ADAM22: variants seen among roughly 807,000 people sequenced by gnomAD.
The protein encoded by ADAM22 is disintegrin and metalloproteinase domain-containing protein 22.
A neutral mutation model predicts 144.6 loss-of-function variants in ADAM22; 65 were observed. The observed-to-expected ratio is 0.45, with a 90% CI of 0.37 to 0.55. The LOEUF (loss-of-function observed/expected upper bound fraction) is 0.55, where lower values mean the gene tolerates loss of function less well. Among genes scored for constraint, ADAM22 ranks in the 20% least tolerant of loss-of-function variants. The probability of loss-of-function intolerance (pLI) is 0.00; values close to 1 mark genes in which losing one functional copy is unlikely to be tolerated. For missense variants in ADAM22, 974 were observed against 1,184.9 expected (o/e 0.82, Z 2.61); for synonymous variants, 391 against 412.6 (o/e 0.95, Z 0.63).
chr7:87,934,870 G>C, intron 1 of ADAM22, 156 bp from the exon 2 acceptor site: 1 of 1,055,840 alleles, frequency 9.5e-7, no homozygotes, highest in South Asian at 1.4e-5. Context: ...TCTCGGGCTG[G>C]TGTCTCTGCG....
intron 3 of ADAM22, among the ~76,000 whole-genome samples, chr7:88,058,220 T>C (rs1305816190): frequency 1.3e-5 from 2 of 152,142 alleles, no homozygotes; most frequent in Non-Finnish European, 2.9e-5. Flanking sequence ...GTTCTAGAAA[T>C]AGAGGTGATG....
intron 2 of ADAM22, among the ~76,000 whole-genome samples, chr7:87,954,872 C>G (rs529101530): frequency 6.6e-6 from 1 of 151,496 alleles, no homozygotes; most frequent in Non-Finnish European, 1.5e-5. Context: ...AAACTTGTTT[C>G]ATTTCATTCA....
At chr7:88,131,926 C>T (rs1831906213) in intron 11 of ADAM22, 1 of 152,752 alleles carries the variant, frequency 6.5e-6, no homozygotes, top group Non-Finnish European at 1.5e-5. Flanking sequence ...CATCTAAAGT[C>T]AGAGCTGTTG....
chr7:88,132,686 C>T (rs982407421), intron 11 of ADAM22, 181 bp from the exon 12 acceptor site: 1 of 454,830 alleles, frequency 2.2e-6, no homozygotes, highest in Non-Finnish European at 4.0e-6. Context: ...AGAAAACATC[C>T]CTCATAAACC....
rs1005781091 is a variant in ADAM22 at position 88,202,763 on chromosome 7, G to T, written c.*6272G>T. 3 of 152,126 alleles carry T rather than the reference G, an allele frequency of 2.0e-5. No homozygotes were observed. Among genetic ancestry groups the T allele is most frequent in the Admixed American group, 6.5e-5 (1 of 15,276 alleles). 9.4% of individuals were successfully genotyped at this position (152,126 alleles called of 1,614,324 possible). ...TTTTTAAAGGTCACTGTAACTTAAG[G>T]TTCAAATTTCTGGCACAGTTTTATT... On this transcript the variant is annotated 3_prime_UTR_variant, in exon 32 of 32. Coordinates refer to ENST00000413139, the MANE Select transcript of ADAM22 (RefSeq NM_001324418.2).
At chr7:88,124,145 T>G (rs955493094) in intron 7 of ADAM22, among the ~76,000 whole-genome samples, 8 of 152,004 alleles carry the variant, frequency 5.3e-5, no homozygotes, top group Admixed American at 2.0e-4. Context: ...TTGATAGTGT[T>G]AAGTCTTCTA....
At chr7:87,994,573 G>A (rs1211016862) in intron 3 of ADAM22, among the ~76,000 whole-genome samples, 5 of 151,948 alleles carry the variant, frequency 3.3e-5, no homozygotes, top group African/African-American at 7.3e-5. Flanking sequence ...TAATTTTGAT[G>A]TGGGTCTAAT....
At chr7:87,954,408 C>G (rs1397574745) in intron 2 of ADAM22, among the ~76,000 whole-genome samples, 3 of 152,070 alleles carry the variant, frequency 2.0e-5, no homozygotes, top group East Asian at 1.9e-4. Context: ...ATGAAGCTTA[C>G]TTTGGCTGGA....
chr7:88,027,656 G>A (rs904829660), intron 3 of ADAM22, among the ~76,000 whole-genome samples: 2 of 151,782 alleles, frequency 1.3e-5, no homozygotes, highest in African/African-American at 4.8e-5. Context: ...AACACCTTTT[G>A]TTCTGATGAC....
At chr7:88,097,705 AAT>A (rs1271546456) in intron 4 of ADAM22, among the ~76,000 whole-genome samples, 1 of 151,944 alleles carries the variant, frequency 6.6e-6, no homozygotes, top group Admixed American at 6.6e-5. Context: ...GGAATGCACA[AAT>A]ATGTTTTCTC....
chr7:88,142,632 A>G (rs1020390332), intron 14 of ADAM22, among the ~76,000 whole-genome samples: 1 of 152,094 alleles, frequency 6.6e-6, no homozygotes, highest in Non-Finnish European at 1.5e-5. Context: ...AAGTCAGGAG[A>G]TCGAGACCAT....
chr7:88,077,854 A>G lies in ADAM22; in HGVS notation c.390+2162A>G, dbSNP rs181528989. On this transcript the variant is annotated intron_variant, in intron 4 of 31. Transcript: ENST00000413139. ...TAAACAAAGCAGCCCAGAAGCTCGA[A>G]CTGGGTGGAGCCCACCACAGCTCAA... is the stretch of plus-strand genomic sequence containing the variant. 2.9e-3 allele frequency among the ~76,000 whole-genome samples: 438 copies of G among 152,324 alleles called. 2 individuals are homozygous for G. Among genetic ancestry groups the G allele is most frequent in the African/African-American group, 1.0e-2 (415 of 41,580 alleles).
At chr7:88,037,557 A>G (rs1801809367) in intron 3 of ADAM22, among the ~76,000 whole-genome samples, 1 of 151,952 alleles carries the variant, frequency 6.6e-6, no homozygotes. Context: ...TTGGCCTGCT[A>G]CCTAATTTCC....
At chr7:88,166,683 C>T (rs1260132416) in intron 24 of ADAM22, among the ~76,000 whole-genome samples, 1 of 152,016 alleles carries the variant, frequency 6.6e-6, no homozygotes, top group Non-Finnish European at 1.5e-5. Context: ...AAAGGGTAAA[C>T]AGTTTTAGCT....
At chr7:87,966,721 G>GTTTTTTTTTTGTTT (rs1849134386) in intron 2 of ADAM22, among the ~76,000 whole-genome samples, 1 of 39,882 alleles carries the variant, frequency 2.5e-5, no homozygotes, top group Admixed American at 5.0e-4. Flanking sequence ...AAGGAAAGCC[G>GTTTTTTTTTTGTTT]TTTTTTTTTT....
chr7:88,154,299 A>G (rs1184230858), intron 21 of ADAM22, among the ~76,000 whole-genome samples: 3 of 152,156 alleles, frequency 2.0e-5, no homozygotes, highest in Non-Finnish European at 4.4e-5. Flanking sequence ...AATTGTCCCC[A>G]ACCTACACTT....
chr7:87,934,457 G>A lies in ADAM22; in HGVS notation c.-9G>A. 3.1e-6 allele frequency: 5 copies of A among 1,588,340 alleles called. No homozygotes were observed. The highest frequency in any genetic ancestry group is 4.3e-6 in the Non-Finnish European group (5 of 1,171,764). ...AGCGTCTCGGGCGAGGCGGGCTGAC[G>A]GCAGCACCATGCAGGCGGCAGTGGC... On this transcript the variant is annotated 5_prime_UTR_variant, in exon 1 of 32. Coordinates refer to ENST00000413139, the MANE Select transcript of ADAM22 (RefSeq NM_001324418.2).
chr7:88,194,846 C>G (rs1219330270), intron 31 of ADAM22, among the ~76,000 whole-genome samples: 1 of 152,178 alleles, frequency 6.6e-6, no homozygotes, highest in Non-Finnish European at 1.5e-5. Flanking sequence ...ACCAGTGTCA[C>G]CCATTCACGA....
chr7:87,947,644 G>A (rs1237166017), intron 2 of ADAM22, among the ~76,000 whole-genome samples: 1 of 152,096 alleles, frequency 6.6e-6, no homozygotes, highest in Non-Finnish European at 1.5e-5. Flanking sequence ...AATAGACAAT[G>A]TTCTCTCATA....
Sources: gnomAD v4.1 joint callset for allele counts (sites outside exome capture counted in the v4.1 genomes callset) on GRCh38, gnomAD v4.1.1 for gene constraint, MANE v1.5 for transcripts, NCBI Gene and HGNC (gene_info 2026-07-23, HGNC 2026-07-21) for gene names.